The following NEK11 variants were observed in gnomAD, a reference collection of about 807,000 sequenced individuals.
NEK11 encodes serine/threonine-protein kinase Nek11.
A neutral mutation model predicts 80.7 loss-of-function variants in NEK11; 72 were observed. The ratio of observed to expected loss-of-function variants is 0.89; its 90% CI spans 0.74 to 1.08. NEK11 has a LOEUF of 1.08. Ranked by LOEUF, NEK11 falls within the 50% of genes least tolerant of loss-of-function variation. The probability of loss-of-function intolerance (pLI) is 0.00; values close to 1 mark genes in which losing one functional copy is unlikely to be tolerated. For synonymous variants in NEK11, 251 were observed against 260.7 expected (o/e 0.96, Z 0.36); for missense variants, 764 against 763.6 (o/e 1.00, Z -0.01).
At chr3:131,190,719 G>T (rs2093761693) in intron 14 of NEK11, among the ~76,000 whole-genome samples, 1 of 152,128 alleles carries the variant, frequency 6.6e-6, no homozygotes, top group Admixed American at 6.6e-5. Context: ...ATACGCTATG[G>T]TAAAAAGTTT....
intron 4 of NEK11, among the ~76,000 whole-genome samples, chr3:131,107,870 TG>T (rs1452529761): frequency 2.0e-5 from 3 of 152,242 alleles, no homozygotes; most frequent in Non-Finnish European, 2.9e-5. Context: ...AATGATCTAT[TG>T]TCAGAAATGT....
chr3:131,028,968 A>G (rs1197542314), intron 2 of NEK11, among the ~76,000 whole-genome samples: 1 of 152,196 alleles, frequency 6.6e-6, no homozygotes, highest in Non-Finnish European at 1.5e-5. Context: ...TTTGAATTGA[A>G]TTTGTAACTC....
chr3:131,204,233 C>T (rs1018616106), intron 14 of NEK11, among the ~76,000 whole-genome samples: 2 of 152,086 alleles, frequency 1.3e-5, no homozygotes, highest in East Asian at 1.9e-4. Flanking sequence ...CATGGATGCT[C>T]CATGCCACTT....
intron 17 of NEK11, among the ~76,000 whole-genome samples, chr3:131,336,262 A>T (rs141857388): frequency 0.14 from 21,415 of 152,218 alleles, 1,686 homozygotes; most frequent in South Asian, 0.23. Context: ...TACTGGTACC[A>T]AACAGAGATA....
intron 17 of NEK11, among the ~76,000 whole-genome samples, chr3:131,345,059 T>C (rs1336688680): frequency 1.3e-5 from 2 of 152,248 alleles, no homozygotes; most frequent in East Asian, 3.8e-4. Context: ...CTTTTCTTTT[T>C]TTCATAGTCT....
Position 131,228,661 on chromosome 3 carries a change from C to A in NEK11, c.1533C>A (p.Ser511=). ...RPEKEIRNEG[S]QPAYRTNQQD... ...AGAAAGAAATCAGGAATGAGGGATC[C>A]CAGCCTGCTTACAGAACAAACCAAC... The change falls in exon 15 of 18, where the codon TCC becomes TCA. Residue 511 remains serine, a synonymous_variant. Coordinates refer to ENST00000383366, the MANE Select transcript of NEK11 (RefSeq NM_024800.5). 2 of 1,612,876 alleles carry A rather than the reference C, an allele frequency of 1.2e-6. No homozygotes were observed. Among genetic ancestry groups the A allele is most frequent in the South Asian group, 1.1e-5 (1 of 90,930 alleles).
At chr3:131,304,514 A>G (rs994848882) in intron 17 of NEK11, among the ~76,000 whole-genome samples, 1 of 152,094 alleles carries the variant, frequency 6.6e-6, no homozygotes, top group Admixed American at 6.6e-5. Flanking sequence ...GTTCTTTCTC[A>G]TATTTGTGGG....
intron 9 of NEK11, 103 bp downstream of exon 9, chr3:131,152,812 C>A: frequency 4.6e-6 from 4 of 866,778 alleles, no homozygotes; most frequent in Admixed American, 2.6e-5. Context: ...TAAGAATCAA[C>A]CAGAAAGGAG....
Position 131,050,140 on chromosome 3 carries a change from T to C in NEK11, c.170+20262T>C, listed in dbSNP as rs146182763. On this transcript the variant is annotated intron_variant, in intron 3 of 17. Transcript: ENST00000383366. Reference sequence around the variant, plus strand: ...ACTCACTCCAGGATTCCTTGGAAACTGTGTGCCTACCTGAATAATTTATTA... The same window carrying C: ...ACTCACTCCAGGATTCCTTGGAAACCGTGTGCCTACCTGAATAATTTATTA... 2.6e-3 allele frequency among the ~76,000 whole-genome samples: 399 copies of C among 152,330 alleles called. 3 individuals are homozygous for C. Among genetic ancestry groups the C allele is most frequent in the African/African-American group, 9.2e-3 (382 of 41,576 alleles).
chr3:131,216,204 T>C (rs930474823), intron 14 of NEK11, among the ~76,000 whole-genome samples: 1 of 152,136 alleles, frequency 6.6e-6, no homozygotes, highest in African/African-American at 2.4e-5. Context: ...ATGAGAACTA[T>C]CTGGAAAGCA....
intron 16 of NEK11, among the ~76,000 whole-genome samples, chr3:131,265,903 G>A (rs2096046022): frequency 6.6e-6 from 1 of 152,180 alleles, no homozygotes; most frequent in South Asian, 2.1e-4. Context: ...TGTGTTCTTG[G>A]TCTATTCAGG....
intron 17 of NEK11, among the ~76,000 whole-genome samples, chr3:131,278,891 C>T (rs533246234): frequency 1.3e-3 from 200 of 152,268 alleles, no homozygotes; most frequent in African/African-American, 4.6e-3. Flanking sequence ...GAAATGCAAA[C>T]TCTCTGGCCC....
chr3:131,141,463 A>G (rs1410903745), intron 7 of NEK11, among the ~76,000 whole-genome samples: 6 of 152,194 alleles, frequency 3.9e-5, no homozygotes, highest in Non-Finnish European at 8.8e-5. Context: ...GGAACTGTGC[A>G]GGGAAAGAAA....
At chr3:131,329,337 T>C (rs1004283994) in intron 17 of NEK11, 2 of 152,220 alleles carry the variant, frequency 1.3e-5, no homozygotes, top group Non-Finnish European at 2.9e-5. Flanking sequence ...ATATATTTTT[T>C]AATAAAATTG....
chr3:131,316,551 A>G (rs2096842127), intron 17 of NEK11, among the ~76,000 whole-genome samples: 1 of 152,252 alleles, frequency 6.6e-6, no homozygotes, highest in African/African-American at 2.4e-5. Flanking sequence ...ATGAGAATAT[A>G]TGCATTAACT....
At chr3:131,060,350 C>T (rs547282070) in intron 3 of NEK11, among the ~76,000 whole-genome samples, 6 of 152,256 alleles carry the variant, frequency 3.9e-5, no homozygotes, top group African/African-American at 1.4e-4. Context: ...CTTGGTCTTG[C>T]CCTTGTTAAC....
intron 3 of NEK11, among the ~76,000 whole-genome samples, chr3:131,066,858 AG>A (rs138632577): frequency 2.9e-4 from 44 of 150,496 alleles, no homozygotes; most frequent in African/African-American, 9.5e-4. Context: ...AAAAAAAAAA[AG>A]AAAAGAAAAA....
At chr3:131,318,903 TATC>T (rs1194133575) in intron 17 of NEK11, among the ~76,000 whole-genome samples, 2 of 151,918 alleles carry the variant, frequency 1.3e-5, no homozygotes, top group Non-Finnish European at 2.9e-5. Flanking sequence ...AGGACATTAA[TATC>T]ATTTTTTATT....
At chr3:131,290,555 T>G (rs967550484) in intron 17 of NEK11, among the ~76,000 whole-genome samples, 1 of 152,222 alleles carries the variant, frequency 6.6e-6, no homozygotes, top group Admixed American at 6.5e-5. Context: ...CTCCTTTGTC[T>G]CTTGCCAAAG....
Sources: gnomAD v4.1 joint callset for allele counts (sites outside exome capture counted in the v4.1 genomes callset) on GRCh38, gnomAD v4.1.1 for gene constraint, MANE v1.5 for transcripts, NCBI Gene and HGNC (gene_info 2026-07-23, HGNC 2026-07-21) for gene names.